NAPG: variants seen among roughly 807,000 people sequenced by gnomAD.
NAPG encodes the protein NSF attachment protein gamma.
In NAPG, 25 loss-of-function variants were observed where a neutral mutation model predicts 48.4. The observed-to-expected ratio is 0.52, with a 90% CI of 0.38 to 0.72. NAPG has a LOEUF of 0.72. Among genes scored for constraint, NAPG ranks in the 30% least tolerant of loss-of-function variants. The pLI is 0.00. For synonymous variants in NAPG, 139 were observed against 127.2 expected, an observed-to-expected ratio of 1.09 and a Z score of -0.62; for missense variants, 359 against 372.5, an observed-to-expected ratio of 0.96 and a Z score of 0.30.
rs144681295 is a variant in NAPG at position 10,528,231 on chromosome 18, C to T, written c.56+2073C>T. Reference sequence around the variant, plus strand: ...AGGAAAAGAAAAAGAAATGTGGCAGCAGTGTGGAGAATGGACTTTGACATA... The same window carrying T: ...AGGAAAAGAAAAAGAAATGTGGCAGTAGTGTGGAGAATGGACTTTGACATA... On this transcript the variant is annotated intron_variant, in intron 1 of 11. Transcript: ENST00000322897. Among the ~76,000 whole-genome samples the T allele has an allele frequency of 2.5e-3, 378 of 152,176 alleles. 4 individuals are homozygous for T. The highest frequency in any genetic ancestry group is 8.7e-3 in the African/African-American group (363 of 41,504).
Position 10,546,109 on chromosome 18 carries a change from T to G in NAPG, c.507-217T>G, listed in dbSNP as rs2032260365. On this transcript the variant is annotated intron_variant, in intron 8 of 11. Transcript: ENST00000322897. This position sits in a 1 kb window ranked among gnomAD's most constrained non-coding sequence, Gnocchi z 4.0. The stretch of plus-strand genomic sequence containing the variant: ...CTAACCCATCCTTGAGTTCTTTTGC[T>G]TTTTCTGTCAGCGTGCAGCCTGAAA... 6.6e-6 allele frequency among the ~76,000 whole-genome samples: 1 copy of G among 152,196 alleles called. No homozygotes were observed. The highest frequency in any genetic ancestry group is 1.5e-5 in the Non-Finnish European group (1 of 68,038).
chr18:10,531,545 A>C (rs991301230), intron 2 of NAPG, among the ~76,000 whole-genome samples: 8 of 152,212 alleles, frequency 5.3e-5, no homozygotes, highest in Non-Finnish European at 1.2e-4. Flanking sequence ...TTAGCCTAGC[A>C]TAGAGATCAT....
rs1271376223 is a variant in NAPG, at chr18:10,539,398, TAACA to T, written c.259-359_259-356del. On this transcript the variant is annotated intron_variant, in intron 5 of 11. Coordinates refer to ENST00000322897, the MANE Select transcript of NAPG (RefSeq NM_003826.3). This position sits in a 1 kb window ranked among gnomAD's most constrained non-coding sequence, Gnocchi z 4.7. ...CTGGAAGCCATCATTCTTGGCAAAC[TAACA>T]AACACAGGAACAGAAAACCAAACAC... is the stretch of plus-strand genomic sequence containing the variant. 3.6e-5 allele frequency: 7 copies of T among 195,034 alleles called. No individual in the cohort carries two copies. The highest frequency in any genetic ancestry group is 7.4e-5 in the Non-Finnish European group (7 of 94,026). The allele number at this position is 195,034 out of a possible 1,614,324, so 12.1% of individuals were successfully genotyped here. A position where few individuals can be genotyped will look rare whatever the true frequency, so the allele number is the denominator to read the frequency against.
chr18:10,530,091 A>G (rs184415306), intron 1 of NAPG, among the ~76,000 whole-genome samples: 67 of 152,216 alleles, frequency 4.4e-4, no homozygotes, highest in African/African-American at 1.3e-3. Flanking sequence ...TTGGCATCCA[A>G]GAAGCCAGTA....
Position 10,526,074 on chromosome 18 carries a change from C to A in NAPG, c.-29C>A. ...CCGGAGGAAGAGGCAGGGTCACCCTCTCTCCACGTCAGAGACCTGACTGTG... is the reference window on the plus strand; with the variant it reads ...CCGGAGGAAGAGGCAGGGTCACCCTATCTCCACGTCAGAGACCTGACTGTG... On this transcript the variant is annotated 5_prime_UTR_variant, in exon 1 of 12. Coordinates refer to ENST00000322897, the MANE Select transcript of NAPG (RefSeq NM_003826.3). 1 of 1,608,436 alleles carries A rather than the reference C, an allele frequency of 6.2e-7. No individual in the cohort carries two copies. The highest frequency in any genetic ancestry group is 8.5e-7 in the Non-Finnish European group (1 of 1,175,072).
rs372919009 is a variant in NAPG, at chr18:10,549,173, A to G, written c.795+77A>G. 678 of 1,505,382 alleles carry G rather than the reference A, an allele frequency of 4.5e-4. 6 individuals carry two copies. The African/African-American group carries it at 7.8e-3, about 17-fold the overall frequency. The allele number at this position is 1,505,382 out of a possible 1,614,324, so 93.3% of individuals were successfully genotyped here. On this transcript the variant is annotated intron_variant, in intron 11 of 11. Coordinates refer to ENST00000322897, the MANE Select transcript of NAPG (RefSeq NM_003826.3). ...TTTCTAGTGAGATTATTTTTTACCC[A>G]TGTACTTAAGAGATTTTTTCCTACC...
At position 10,548,381 on chromosome 18, in the gene NAPG, A is replaced by G; in HGVS notation, c.665+3A>G. ...AGATGTGTCCGGGAGAGCTATAGGTAAGACGTTGTCTGGGCCCTCTTGACT... is the reference window on the plus strand; with the variant it reads ...AGATGTGTCCGGGAGAGCTATAGGTGAGACGTTGTCTGGGCCCTCTTGACT... On this transcript the variant is annotated splice_donor_region_variant and intron_variant, in intron 10 of 11. Coordinates refer to ENST00000322897, the MANE Select transcript of NAPG (RefSeq NM_003826.3). The surrounding 1 kb of genome is among the most constrained non-coding windows in gnomAD (Gnocchi z 4.4). 6.2e-7 allele frequency: 1 copy of G among 1,612,036 alleles called. No individual in the cohort carries two copies. The highest frequency in any genetic ancestry group is 1.3e-5 in the African/African-American group (1 of 75,006).
At chr18:10,537,705 G>A (rs2032064790) in intron 5 of NAPG, among the ~76,000 whole-genome samples, 1 of 152,166 alleles carries the variant, frequency 6.6e-6, no homozygotes, top group Non-Finnish European at 1.5e-5. Context: ...AGATATTGTA[G>A]ACTCGGATTC....
At chr18:10,549,933 C>T in intron 11 of NAPG, 144 bp from the exon 12 acceptor site, 1 of 702,804 alleles carries the variant, frequency 1.4e-6, no homozygotes, top group Non-Finnish European at 2.1e-6. Flanking sequence ...TGGGGAGCAG[C>T]ATTGTTGGGC....
Position 10,540,041 on chromosome 18 carries a change from C to T in NAPG, c.422C>T (p.Ala141Val). The T allele has an allele frequency of 6.3e-7, 1 of 1,583,694 alleles. No individual in the cohort carries two copies. The highest frequency in any genetic ancestry group is 8.6e-7 in the Non-Finnish European group (1 of 1,163,678). The change falls in exon 7 of 12, where the codon GCT becomes GTT. Residue 141 changes from alanine to valine, a missense_variant. Ala to Val is a moderately conservative substitution (Grantham distance 64). Transcript: ENST00000322897. The part of the protein sequence containing the change: ...EKAVQLYQQT[A>V]NVFENEERLR... Reference sequence around the variant, plus strand: ...GCTGTACAGTTATATCAACAGACAGCTAATGTGTTTGAAGTAAGTTTGAAT... The same window carrying T: ...GCTGTACAGTTATATCAACAGACAGTTAATGTGTTTGAAGTAAGTTTGAAT...
intron 5 of NAPG, among the ~76,000 whole-genome samples, chr18:10,537,238 C>T (rs1442341769): frequency 6.6e-6 from 1 of 152,102 alleles, no homozygotes; most frequent in East Asian, 1.9e-4. Flanking sequence ...GGATTATAGG[C>T]GTGAGCCACT....
At chr18:10,531,585 A>G (rs185418459) in intron 2 of NAPG, among the ~76,000 whole-genome samples, 10 of 152,318 alleles carry the variant, frequency 6.6e-5, no homozygotes, top group Middle Eastern at 6.8e-3. Flanking sequence ...TTAAACAGCA[A>G]ATGAGTCTTC....
In NAPG at chr18:10,534,600, C is replaced by A; in HGVS notation, c.258+104C>A. On this transcript the variant is annotated intron_variant, in intron 5 of 11. Coordinates refer to ENST00000322897, the MANE Select transcript of NAPG (RefSeq NM_003826.3). The surrounding 1 kb of genome is among the most constrained non-coding windows in gnomAD (Gnocchi z 5.0). ...GTTGAAAAGCTTCCTTACTGTAAGG[C>A]AAGAGGTGCTAAGTTAAGATTTTCT... 9.8e-7 allele frequency: 1 copy of A among 1,015,492 alleles called. No individual in the cohort carries two copies. The highest frequency in any genetic ancestry group is 1.5e-6 in the Non-Finnish European group (1 of 647,326). The allele number at this position is 1,015,492 out of a possible 1,614,324, so 62.9% of individuals were successfully genotyped here.
intron 1 of NAPG, among the ~76,000 whole-genome samples, chr18:10,529,604 T>C (rs1285074364): frequency 6.6e-6 from 1 of 152,082 alleles, no homozygotes; most frequent in Non-Finnish European, 1.5e-5. Flanking sequence ...AATACAAAAA[T>C]TAGCTGAGTG....
chr18:10,526,692 ATTTT>A (rs893409350), intron 1 of NAPG: 2 of 154,540 alleles, frequency 1.3e-5, no homozygotes, highest in African/African-American at 4.8e-5. Context: ...GTCATCTGGC[ATTTT>A]ACTGTCCCTG....
At chr18:10,538,079 GT>G (rs3838368) in intron 5 of NAPG, among the ~76,000 whole-genome samples, 7 of 151,288 alleles carry the variant, frequency 4.6e-5, no homozygotes, top group African/African-American at 1.5e-4. Flanking sequence ...TTTAAACGGT[GT>G]TTTTTTTTAA....
Position 10,552,162 on chromosome 18 carries a change from T to A in NAPG, c.*1942T>A, listed in dbSNP as rs988800939. The stretch of plus-strand genomic sequence containing the variant: ...TTAAAGTCTGGGGGAAAAAATTTTT[T>A]AATTTTACTCTTCTTATGTACTGAA... On this transcript the variant is annotated 3_prime_UTR_variant, in exon 12 of 12. Coordinates refer to ENST00000322897, the MANE Select transcript of NAPG (RefSeq NM_003826.3). The A allele has an allele frequency of 2.0e-5, 3 of 152,246 alleles. No individual in the cohort carries two copies. Among genetic ancestry groups the A allele is most frequent in the African/African-American group, 7.2e-5 (3 of 41,460 alleles). 9.4% of individuals were successfully genotyped at this position (152,246 alleles called of 1,614,324 possible).
At chr18:10,536,276 A>G (rs887089058) in intron 5 of NAPG, among the ~76,000 whole-genome samples, 2 of 152,228 alleles carry the variant, frequency 1.3e-5, no homozygotes, top group African/African-American at 4.8e-5. Context: ...TATTTAAATT[A>G]AATGCCTTTG....
At chr18:10,536,962 GTT>G (rs796475932) in intron 5 of NAPG, among the ~76,000 whole-genome samples, 1 of 143,438 alleles carries the variant, frequency 7.0e-6, no homozygotes, top group African/African-American at 2.7e-5. Context: ...GCCTGTTTTT[GTT>G]TTTTTTTTTT....
Sources: allele counts gnomAD v4.1 joint callset (sites outside exome capture counted in the v4.1 genomes callset), GRCh38; gene constraint gnomAD v4.1.1; non-coding constraint Gnocchi (gnomAD v3.1); transcripts MANE v1.5; gene names NCBI Gene and HGNC (gene_info 2026-07-23, HGNC 2026-07-21).